The following ESR2 variants were observed in gnomAD, a reference collection of about 807,000 sequenced individuals.
The protein encoded by ESR2 is estrogen receptor 2, also known as estrogen receptor beta.
In ESR2, 36 loss-of-function variants were observed where a neutral mutation model predicts 49.6. The ratio of observed to expected loss-of-function variants is 0.73; its 90% confidence interval spans 0.56 to 0.96. The LOEUF is 0.96. ESR2 is among the 40% of genes least tolerant of loss of function. The probability of loss-of-function intolerance (pLI) is 0.00; values close to 1 mark genes in which losing one functional copy is unlikely to be tolerated. For missense variants in ESR2, 714 were observed against 693.0 expected, an observed-to-expected ratio of 1.03 and a Z score of -0.34; for synonymous variants, 320 against 266.1, an observed-to-expected ratio of 1.20 and a Z score of -1.97.
chr14:64,320,216 A>G (rs528709833), intron 1 of ESR2, among the ~76,000 whole-genome samples: 1 of 152,334 alleles, frequency 6.6e-6, no homozygotes, highest in East Asian at 1.9e-4. Flanking sequence ...TGAAAAGGTT[A>G]TATCTGTATG....
chr14:64,324,536 T>A (rs1028722722), intron 1 of ESR2, among the ~76,000 whole-genome samples: 1 of 152,210 alleles, frequency 6.6e-6, no homozygotes, highest in Non-Finnish European at 1.5e-5. Flanking sequence ...TTTTAAAACA[T>A]CATTAAAAGC....
intron 3 of ESR2, among the ~76,000 whole-genome samples, chr14:64,271,216 C>T (rs111739602): frequency 3.3e-5 from 5 of 152,142 alleles, no homozygotes; most frequent in African/African-American, 1.2e-4. Context: ...AAGCAATCCT[C>T]CCATCTCAGC....
intron 7 of ESR2, among the ~76,000 whole-genome samples, chr14:64,238,357 A>AGGG (rs146119274): frequency 2.0e-5 from 3 of 152,098 alleles, no homozygotes; most frequent in Non-Finnish European, 2.9e-5. Flanking sequence ...ATGGTGGGGT[A>AGGG]GGGGGGCAGT....
At chr14:64,301,903 T>G (rs1260681291) in intron 1 of ESR2, among the ~76,000 whole-genome samples, 5 of 152,128 alleles carry the variant, frequency 3.3e-5, no homozygotes, top group African/African-American at 9.7e-5. Context: ...TACAGAAGCC[T>G]TGGCCTAAGA....
upstream of ESR2, among the ~76,000 whole-genome samples, chr14:64,295,959 G>A (rs552575979): frequency 2.0e-5 from 3 of 147,520 alleles, no homozygotes; most frequent in East Asian, 4.0e-4. Context: ...CAGGAGAATC[G>A]CTTGAACATG....
chr14:64,259,349 T>C (rs569751107), intron 5 of ESR2, among the ~76,000 whole-genome samples: 2 of 152,176 alleles, frequency 1.3e-5, no homozygotes, highest in Non-Finnish European at 2.9e-5. Flanking sequence ...TTCTCACCCC[T>C]CCTCATCTTT....
chr14:64,316,058 G>A (rs111574153), intron 1 of ESR2, among the ~76,000 whole-genome samples: 3,936 of 152,158 alleles, frequency 0.026, 173 homozygotes, highest in African/African-American at 0.089. Context: ...CACCCAGGCT[G>A]GAGTGCAGCA....
At chr14:64,227,496 C>CAAGA, downstream of ESR2, 1 of 1,607,366 alleles carries the variant, frequency 6.2e-7, no homozygotes, top group Non-Finnish European at 8.5e-7. Flanking sequence ...AAATGTTACC[C>CAAGA]AAGATTTTTC....
chr14:64,313,956 C>T (rs1009954839), intron 1 of ESR2, among the ~76,000 whole-genome samples: 1 of 151,776 alleles, frequency 6.6e-6, no homozygotes, highest in African/African-American at 2.4e-5. Context: ...GCTCCTCTCT[C>T]AGTTGATAGA....
intron 7 of ESR2, among the ~76,000 whole-genome samples, chr14:64,240,252 G>A (rs201792731): frequency 1.3e-5 from 2 of 152,228 alleles, no homozygotes; most frequent in East Asian, 1.9e-4. Context: ...AACTATGCAG[G>A]AGACCATCGT....
Position 64,249,679 on chromosome 14 carries a change from C to A in ESR2, c.1092G>T (p.Arg364Ser), listed in dbSNP as rs141474553. The change falls in exon 7 of 9, where the codon AGG becomes AGT. Residue 364 changes from arginine to serine, a missense_variant and splice_region_variant. Transcript: ENST00000341099. ...LIFAPDLVLD[R>S]DEGKCVEGIL... ...TTCCTTCTACGCATTTCCCCTCATC[C>A]CTACAAAAGTTCGTTTGGAAATTTA... The A allele has an allele frequency of 1.9e-6, 3 of 1,605,160 alleles. No homozygotes were observed. Among genetic ancestry groups the A allele is most frequent in the Non-Finnish European group, 2.6e-6 (3 of 1,175,360 alleles).
At chr14:64,291,110 CAG>C (rs2076863971) in intron 1 of ESR2, among the ~76,000 whole-genome samples, 2 of 152,244 alleles carry the variant, frequency 1.3e-5, no homozygotes, top group Middle Eastern at 3.4e-3. Flanking sequence ...GGGACAGGGT[CAG>C]AGAGAATTCC....
intron 1 of ESR2, chr14:64,337,335 C>A (rs1023310559): frequency 6.6e-6 from 1 of 152,200 alleles, no homozygotes; most frequent in African/African-American, 2.4e-5. Context: ...AGCATAAAAA[C>A]CAGTTGAAAT....
At position 64,280,162 on chromosome 14, in the gene ESR2, C is replaced by A. The variant is rs756665144; in HGVS notation, c.363-9G>T. The A allele has an allele frequency of 6.2e-7, 1 of 1,610,866 alleles. No individual in the cohort carries two copies. Among genetic ancestry groups the A allele is most frequent in the Non-Finnish European group, 8.5e-7 (1 of 1,177,618 alleles). On this transcript the variant is annotated splice_polypyrimidine_tract_variant and intron_variant, in intron 2 of 8. Coordinates refer to ENST00000341099, the MANE Select transcript of ESR2 (RefSeq NM_001437.3). Reference sequence around the variant, plus strand: ...TCCTTTTCAGTGTCTCTCTAGGGAGCAAAGAAAATATCCATTGAACAGAGC... The same window carrying A: ...TCCTTTTCAGTGTCTCTCTAGGGAGAAAAGAAAATATCCATTGAACAGAGC...
intron 4 of ESR2, among the ~76,000 whole-genome samples, chr14:64,263,257 A>G (rs1047689638): frequency 6.6e-6 from 1 of 152,232 alleles, no homozygotes; most frequent in African/African-American, 2.4e-5. Flanking sequence ...ACATTACTCT[A>G]TTGATACCAG....
rs763905276 is a variant in ESR2 at position 64,260,238 on chromosome 14, G to C, written c.952+211C>G. The C allele has an allele frequency of 9.2e-6, 7 of 760,096 alleles. No individual in the cohort carries two copies. In the African/African-American group the frequency reaches 1.0e-4, roughly 11 times the overall value. The allele number at this position is 760,096 out of a possible 1,614,324, so 47.1% of individuals were successfully genotyped here. ...GGGTACAGAACTCAGAAGAGTCTCA[G>C]AATTCTAAATCAGAACACGGCCTTG... is the stretch of plus-strand genomic sequence containing the variant. On this transcript the variant is annotated intron_variant, in intron 5 of 8. Transcript: ENST00000341099.
intron 4 of ESR2, among the ~76,000 whole-genome samples, chr14:64,267,751 G>T (rs2076360752): frequency 1.3e-5 from 2 of 151,788 alleles, no homozygotes; most frequent in South Asian, 2.1e-4. Flanking sequence ...AGGCGTGGTG[G>T]TGGGTGCCTG....
At chr14:64,302,160 T>TTTTTTTTATTTA (rs1555593263) in intron 1 of ESR2, among the ~76,000 whole-genome samples, 167 of 138,202 alleles carry the variant, frequency 1.2e-3, no homozygotes, top group African/African-American at 4.3e-3. Context: ...TATTTTTTAT[T>TTTTTTTTATTTA]TTTATTTATT....
intron 3 of ESR2, among the ~76,000 whole-genome samples, chr14:64,275,566 G>A (rs2076542898): frequency 6.6e-6 from 1 of 152,142 alleles, no homozygotes; most frequent in African/African-American, 2.4e-5. Flanking sequence ...AGCCAGGCGT[G>A]GTGGTGGGTG....
Sources: gnomAD v4.1 joint callset for allele counts (sites outside exome capture counted in the v4.1 genomes callset) on GRCh38, gnomAD v4.1.1 for gene constraint, MANE v1.5 for transcripts, NCBI Gene and HGNC (gene_info 2026-07-23, HGNC 2026-07-21) for gene names.